RIN2: variants seen among roughly 807,000 people sequenced by gnomAD.
RIN2 encodes Ras and Rab interactor 2, also known as RAB5 interacting protein 2.
In RIN2, 36 loss-of-function variants were observed where a neutral mutation model predicts 78.0. The ratio of observed to expected loss-of-function variants is 0.46; its 90% confidence interval spans 0.35 to 0.61. The LOEUF is 0.61. RIN2 is among the 20% of genes least tolerant of loss of function. The pLI is 0.00. For synonymous variants in RIN2, 466 were observed against 466.8 expected (o/e 1.00, Z 0.02); for missense variants, 1,087 against 1,159.7 (o/e 0.94, Z 0.91).
chr20:19,806,993 A>T (rs1194929681), intron 2 of RIN2, among the ~76,000 whole-genome samples: 1 of 152,232 alleles, frequency 6.6e-6, no homozygotes, highest in Non-Finnish European at 1.5e-5. Flanking sequence ...CTTCCTGCAC[A>T]GGTTCAGCTA....
chr20:19,845,072 T>C (rs928115075), intron 2 of RIN2, among the ~76,000 whole-genome samples: 4 of 152,212 alleles, frequency 2.6e-5, no homozygotes, highest in African/African-American at 9.7e-5. Flanking sequence ...CTCATCCTTT[T>C]TTATGGCTGC....
At position 19,921,928 on chromosome 20, in the gene RIN2, C is replaced by T. The variant is rs140611864; in HGVS notation, c.58-13171C>T. ...TCACCCAGGCTGGAGTGCAGCGGCACAATCTCAGCTCACTGCAACCTCTGC... is the reference window on the plus strand; with the variant it reads ...TCACCCAGGCTGGAGTGCAGCGGCATAATCTCAGCTCACTGCAACCTCTGC... On this transcript the variant is annotated intron_variant, in intron 3 of 12. Coordinates refer to ENST00000255006, the MANE Select transcript of RIN2 (RefSeq NM_018993.4). Among the ~76,000 whole-genome samples, 530 of 152,282 alleles carry T rather than the reference C, an allele frequency of 3.5e-3. 3 individuals carry two copies. Among genetic ancestry groups the T allele is most frequent in the African/African-American group, 0.011 (470 of 41,564 alleles).
At chr20:19,839,907 C>T (rs141326256) in intron 2 of RIN2, among the ~76,000 whole-genome samples, 275 of 152,246 alleles carry the variant, frequency 1.8e-3, no homozygotes, top group African/African-American at 6.0e-3. Context: ...AATTGAAACC[C>T]GCCTTTCCTG....
At chr20:19,844,692 CTCTTCCTCTTCTTCT>C (rs879021553) in intron 2 of RIN2, among the ~76,000 whole-genome samples, 31,246 of 117,214 alleles carry the variant, frequency 0.27, 6,411 homozygotes, top group East Asian at 0.51. Context: ...CTTCCTCTTC[CTCTTCCTCTTCTTCT>C]TCTTCTTCTT....
rs139926931 is a variant in RIN2 at position 19,824,268 on chromosome 20, T to G, written c.-37+24521T>G. ...TATCAGCGGGAGGCCCCTGTGCCCT[T>G]GAGTGAACATGAGATAATTTTAGAT... On this transcript the variant is annotated intron_variant, in intron 2 of 12. Transcript: ENST00000255006. Among the ~76,000 whole-genome samples the G allele has an allele frequency of 2.1e-3, 320 of 152,302 alleles. 1 individual carries two copies. The highest frequency in any genetic ancestry group is 7.2e-3 in the African/African-American group (298 of 41,554).
At chr20:19,899,288 C>T (rs2038874712) in intron 3 of RIN2, among the ~76,000 whole-genome samples, 1 of 152,166 alleles carries the variant, frequency 6.6e-6, no homozygotes, top group African/African-American at 2.4e-5. Context: ...CAGTGACGCT[C>T]TTGGTGTTGC....
chr20:19,794,905 T>A (rs758238402), intron 1 of RIN2, among the ~76,000 whole-genome samples: 10 of 152,156 alleles, frequency 6.6e-5, no homozygotes, highest in Non-Finnish European at 1.0e-4. Context: ...CATAGAAAAA[T>A]TAAATTAAAA....
intron 4 of RIN2, among the ~76,000 whole-genome samples, chr20:19,952,445 T>G (rs938656596): frequency 1.3e-5 from 2 of 152,234 alleles, no homozygotes; most frequent in African/African-American, 4.8e-5. Context: ...CAATTTGTCC[T>G]GTAATAATAT....
At chr20:19,908,445 C>T (rs1446789978) in intron 3 of RIN2, among the ~76,000 whole-genome samples, 5 of 150,230 alleles carry the variant, frequency 3.3e-5, no homozygotes, top group Non-Finnish European at 7.4e-5. Flanking sequence ...GAGCTGAGAT[C>T]GCACCACTGC....
At chr20:19,798,902 T>G (rs924044958) in intron 1 of RIN2, among the ~76,000 whole-genome samples, 1 of 148,458 alleles carries the variant, frequency 6.7e-6, no homozygotes, top group African/African-American at 2.6e-5. Context: ...GATAATATAG[T>G]AATTTTTTTT....
chr20:19,787,136 T>C (rs1313263535), intron 1 of RIN2, among the ~76,000 whole-genome samples: 1 of 152,020 alleles, frequency 6.6e-6, no homozygotes, highest in Non-Finnish European at 1.5e-5. Flanking sequence ...TAAAGACAAA[T>C]GACTGTCTGG....
Position 19,973,887 on chromosome 20 carries a change from A to C in RIN2, c.629-767A>C, listed in dbSNP as rs143482539. 1.4e-3 allele frequency among the ~76,000 whole-genome samples: 214 copies of C among 152,262 alleles called. 4 individuals carry two copies. The highest frequency in any genetic ancestry group is 5.6e-4 in the Non-Finnish European group (38 of 68,020). ...CCCTCAACTTACATGGAACACTGAG[A>C]CTCATCTGCAAGAGGAGACACAGGC... is the stretch of plus-strand genomic sequence containing the variant. On this transcript the variant is annotated intron_variant, in intron 8 of 12. Coordinates refer to ENST00000255006, the MANE Select transcript of RIN2 (RefSeq NM_018993.4).
At chr20:19,988,651 G>A (rs1204992948) in intron 9 of RIN2, among the ~76,000 whole-genome samples, 3 of 152,096 alleles carry the variant, frequency 2.0e-5, no homozygotes, top group African/African-American at 7.2e-5. Flanking sequence ...GGTCATTTTA[G>A]TATTAGCCAA....
In RIN2 at chr20:19,844,040, T is replaced by C. The variant is rs574026486; in HGVS notation, c.-37+44293T>C. On this transcript the variant is annotated intron_variant, in intron 2 of 12. Coordinates refer to ENST00000255006, the MANE Select transcript of RIN2 (RefSeq NM_018993.4). ...CCTTCAGTGGGGAAGAATAAATCTT[T>C]AATTTCAATATGATGGTAAATCATA... Among the ~76,000 whole-genome samples the C allele has an allele frequency of 2.6e-5, 4 of 152,338 alleles. No homozygotes were observed. In the East Asian group the frequency reaches 7.7e-4, roughly 29 times the overall value.
chr20:19,909,021 C>T (rs2039346761), intron 3 of RIN2, among the ~76,000 whole-genome samples: 1 of 152,226 alleles, frequency 6.6e-6, no homozygotes, highest in South Asian at 2.1e-4. Flanking sequence ...CCCACCGCCA[C>T]TCCCAGCTAA....
At chr20:19,856,681 T>A (rs1238462723) in intron 2 of RIN2, among the ~76,000 whole-genome samples, 1 of 152,108 alleles carries the variant, frequency 6.6e-6, no homozygotes, top group Non-Finnish European at 1.5e-5. Flanking sequence ...TAATTGGCAA[T>A]GTCTGTTTCA....
At chr20:19,913,267 CAT>C (rs963786492) in intron 3 of RIN2, among the ~76,000 whole-genome samples, 1 of 151,992 alleles carries the variant, frequency 6.6e-6, no homozygotes, top group Non-Finnish European at 1.5e-5. Flanking sequence ...GCATACATAA[CAT>C]AAAATTTACC....
At chr20:19,927,390 A>C (rs2040265734) in intron 3 of RIN2, among the ~76,000 whole-genome samples, 1 of 150,594 alleles carries the variant, frequency 6.6e-6, no homozygotes, top group African/African-American at 2.4e-5. Context: ...TGGGACTACA[A>C]GGCACATGCC....
At chr20:19,769,563 T>A (rs1427360859) in intron 1 of RIN2, among the ~76,000 whole-genome samples, 1 of 152,218 alleles carries the variant, frequency 6.6e-6, no homozygotes, top group Non-Finnish European at 1.5e-5. Context: ...GGGTTGGATA[T>A]GTAAATTACT....
Sources: gnomAD v4.1 joint callset for allele counts (sites outside exome capture counted in the v4.1 genomes callset) on GRCh38, gnomAD v4.1.1 for gene constraint, MANE v1.5 for transcripts, NCBI Gene and HGNC (gene_info 2026-07-23, HGNC 2026-07-21) for gene names.